The following TNR variants were observed in gnomAD, a reference collection of about 807,000 sequenced individuals.
The protein encoded by TNR is tenascin R, also known as tenascin-R.
A neutral mutation model predicts 150.4 loss-of-function variants in TNR; 45 were observed. The ratio of observed to expected loss-of-function variants is 0.30; its 90% CI spans 0.24 to 0.38. The LOEUF is 0.38. Ranked by LOEUF, TNR falls within the 10% of genes least tolerant of loss-of-function variation. The probability of loss-of-function intolerance (pLI) is 1.00; values close to 1 mark genes in which losing one functional copy is unlikely to be tolerated. For synonymous variants in TNR, 687 were observed against 678.4 expected, an observed-to-expected ratio of 1.01 and a Z score of -0.20; for missense variants, 1,544 against 1,759.1, an observed-to-expected ratio of 0.88 and a Z score of 2.19.
intron 1 of TNR, among the ~76,000 whole-genome samples, chr1:175,561,352 C>T (rs1338860837): frequency 2.6e-5 from 4 of 152,124 alleles, no homozygotes; most frequent in Admixed American, 1.3e-4. Context: ...TAATGGGGCC[C>T]AATATTCAAA....
intron 2 of TNR, among the ~76,000 whole-genome samples, chr1:175,466,438 G>T (rs1657038869): frequency 6.6e-6 from 1 of 152,168 alleles, no homozygotes; most frequent in Non-Finnish European, 1.5e-5. Flanking sequence ...AGACAAACCT[G>T]CAGTGCTTCC....
chr1:175,695,460 G>C (rs1486309994), intron 1 of TNR, among the ~76,000 whole-genome samples: 1 of 152,210 alleles, frequency 6.6e-6, no homozygotes, highest in Non-Finnish European at 1.5e-5. Flanking sequence ...GACAATAAAT[G>C]TTTGTTGTTT....
chr1:175,355,691 G>A, intron 16 of TNR, 58 bp from the exon 17 acceptor site: 3 of 1,605,568 alleles, frequency 1.9e-6, no homozygotes, highest in African/African-American at 2.7e-5. Context: ...CCCCCTGCTT[G>A]ATTTCAGGTA....
At chr1:175,488,650 A>G (rs1401520073) in intron 2 of TNR, among the ~76,000 whole-genome samples, 1 of 152,206 alleles carries the variant, frequency 6.6e-6, no homozygotes, top group Non-Finnish European at 1.5e-5. Flanking sequence ...ACTTGGGTGA[A>G]GACACTGAAT....
chr1:175,330,635 T>G (rs1377573613), intron 20 of TNR: 1 of 156,508 alleles, frequency 6.4e-6, no homozygotes, highest in Non-Finnish European at 1.4e-5. Flanking sequence ...AAGCAAGAGG[T>G]GAAAACATTG....
At chr1:175,433,245 A>T (rs1571432435) in intron 2 of TNR, among the ~76,000 whole-genome samples, 2 of 152,220 alleles carry the variant, frequency 1.3e-5, no homozygotes, top group African/African-American at 4.8e-5. Flanking sequence ...TAAGCCATTG[A>T]TACCTCCAGT....
At chr1:175,722,303 C>T (rs1355204534) in intron 1 of TNR, among the ~76,000 whole-genome samples, 1 of 152,168 alleles carries the variant, frequency 6.6e-6, no homozygotes. Context: ...TGAATCAAAT[C>T]CCTGAGACAC....
chr1:175,390,759 C>A (rs539608422), intron 7 of TNR, among the ~76,000 whole-genome samples: 1 of 152,336 alleles, frequency 6.6e-6, no homozygotes, highest in South Asian at 2.1e-4. Context: ...TGTGCGTATA[C>A]CAAGTATTGA....
intron 2 of TNR, among the ~76,000 whole-genome samples, chr1:175,480,439 G>A (rs925031514): frequency 6.7e-6 from 1 of 150,316 alleles, no homozygotes; most frequent in Non-Finnish European, 1.5e-5. Flanking sequence ...AAGAAAGAAA[G>A]AAAGAGAAAG....
At chr1:175,709,343 G>A (rs12039679) in intron 1 of TNR, among the ~76,000 whole-genome samples, 7,629 of 139,284 alleles carry the variant, frequency 0.055, 295 homozygotes, top group East Asian at 0.17. Context: ...ACACACACAC[G>A]CACTTCCAAC....
chr1:175,448,733 G>A (rs1656175373), intron 2 of TNR, among the ~76,000 whole-genome samples: 1 of 152,216 alleles, frequency 6.6e-6, no homozygotes, highest in Non-Finnish European at 1.5e-5. Context: ...CAAGGCTTCC[G>A]ATATTCACTT....
rs537053119 is a variant in TNR at position 175,600,223 on chromosome 1, G to A, written c.-164-71854C>T. 3.3e-5 allele frequency among the ~76,000 whole-genome samples: 5 copies of A among 152,264 alleles called. No individual in the cohort carries two copies. The East Asian group carries it at 9.6e-4, about 29-fold the overall frequency. On this transcript the variant is annotated intron_variant, in intron 1 of 22. Coordinates refer to ENST00000367674, the MANE Select transcript of TNR (RefSeq NM_003285.3). ...ATACCTTAAAGAGGTGTTATGAGGT[G>A]TATATTTAGAATGATGCCTGGCATA... is the stretch of plus-strand genomic sequence containing the variant.
chr1:175,405,348 G>T (rs1319182297), intron 3 of TNR, among the ~76,000 whole-genome samples: 2 of 152,196 alleles, frequency 1.3e-5, no homozygotes, highest in Non-Finnish European at 2.9e-5. Flanking sequence ...GATGAGGAAA[G>T]GAAGGCACAG....
chr1:175,578,325 G>A (rs1234391567), intron 1 of TNR, among the ~76,000 whole-genome samples: 1 of 151,976 alleles, frequency 6.6e-6, no homozygotes. Flanking sequence ...AAGATGAGGG[G>A]CCATAGAGAA....
At chr1:175,634,705 G>A (rs952999881) in intron 1 of TNR, among the ~76,000 whole-genome samples, 10 of 152,090 alleles carry the variant, frequency 6.6e-5, no homozygotes, top group Admixed American at 1.3e-4. Context: ...TATGGACACC[G>A]AGGCATGGAA....
At chr1:175,711,006 C>T (rs771191670) in intron 1 of TNR, among the ~76,000 whole-genome samples, 1 of 152,134 alleles carries the variant, frequency 6.6e-6, no homozygotes, top group Non-Finnish European at 1.5e-5. Flanking sequence ...ACACCTCTTA[C>T]CTGCTAAGGA....
intron 1 of TNR, among the ~76,000 whole-genome samples, chr1:175,703,077 G>T (rs1424106709): frequency 6.6e-6 from 1 of 152,006 alleles, no homozygotes; most frequent in African/African-American, 2.4e-5. Flanking sequence ...AAAATGGAAG[G>T]GAGGGAAGAC....
intron 1 of TNR, among the ~76,000 whole-genome samples, chr1:175,675,124 T>C (rs553971120): frequency 1.9e-4 from 29 of 152,288 alleles, no homozygotes; most frequent in African/African-American, 6.3e-4. Context: ...AGGAGCAAAA[T>C]GTTGGCAAGT....
rs1553254726 is a variant in TNR, at chr1:175,696,224, T to TCTG, written c.-165+47001_-165+47002insCAG. Among the ~76,000 whole-genome samples, 3 of 120,408 alleles carry TCTG rather than the reference T, an allele frequency of 2.5e-5. No individual in the cohort carries two copies. The South Asian group carries it at 7.6e-4, about 31-fold the overall frequency. The allele number at this position is 120,408 out of a possible 152,430, so 79.0% of individuals were successfully genotyped here. ...TAAATGAGCCTTCCTGTAGTTTTTT[T>TCTG]TTTTTTTTTTTTTTTTTTTTCCAAA... On this transcript the variant is annotated intron_variant, in intron 1 of 22. Coordinates refer to ENST00000367674, the MANE Select transcript of TNR (RefSeq NM_003285.3).
Sources: allele counts gnomAD v4.1 joint callset (sites outside exome capture counted in the v4.1 genomes callset), GRCh38; gene constraint gnomAD v4.1.1; transcripts MANE v1.5; gene names NCBI Gene and HGNC (gene_info 2026-07-23, HGNC 2026-07-21).